GRB2: variants seen among roughly 807,000 people sequenced by gnomAD.
GRB2 encodes the protein growth factor receptor-bound protein 2.
In GRB2, 2 loss-of-function variants were observed where a neutral mutation model predicts 27.4. The ratio of observed to expected loss-of-function variants is 0.07; its 90% CI spans 0.03 to 0.23. The LOEUF is 0.23. Ranked by LOEUF, GRB2 falls within the 10% of genes least tolerant of loss-of-function variation. The pLI, the probability that GRB2 is intolerant of heterozygous loss-of-function variation, is 1.00. For synonymous variants in GRB2, 94 were observed against 99.6 expected, an observed-to-expected ratio of 0.94 and a Z score of 0.33; for missense variants, 102 against 282.4, an observed-to-expected ratio of 0.36 and a Z score of 4.58.
intron 2 of GRB2, among the ~76,000 whole-genome samples, chr17:75,339,758 C>T (rs1406919597): frequency 6.6e-6 from 1 of 151,976 alleles, no homozygotes; most frequent in African/African-American, 2.4e-5. Flanking sequence ...TCCCAAGTAG[C>T]TGGGATTACA....
intron 2 of GRB2, chr17:75,339,144 C>T: frequency 8.6e-7 from 1 of 1,167,446 alleles, no homozygotes; most frequent in Non-Finnish European, 1.3e-6. Context: ...TGATCCAGTT[C>T]TAAGTGTCAT....
chr17:75,356,298 C>A (rs766144050), intron 2 of GRB2, among the ~76,000 whole-genome samples: 10 of 152,132 alleles, frequency 6.6e-5, no homozygotes, highest in Middle Eastern at 6.8e-3. Flanking sequence ...AAGAGGTTCG[C>A]TGGAGCCCAG....
At chr17:75,358,708 A>G (rs1226174398) in intron 2 of GRB2, among the ~76,000 whole-genome samples, 1 of 145,298 alleles carries the variant, frequency 6.9e-6, no homozygotes, top group African/African-American at 2.5e-5. Flanking sequence ...ACTAAAAAAA[A>G]AAAAAAAAAA....
chr17:75,395,886 A>G (rs549611750), intron 1 of GRB2, among the ~76,000 whole-genome samples: 4 of 151,286 alleles, frequency 2.6e-5, no homozygotes, highest in Admixed American at 6.6e-5. Flanking sequence ...AAGATTGCCC[A>G]GGCTAGAGTG....
intron 2 of GRB2, among the ~76,000 whole-genome samples, chr17:75,354,792 G>A (rs914473874): frequency 4.6e-5 from 7 of 152,178 alleles, no homozygotes; most frequent in Admixed American, 4.6e-4. Flanking sequence ...TTTTAAAAAG[G>A]AAAAACTTAA....
intron 2 of GRB2, among the ~76,000 whole-genome samples, chr17:75,389,681 CT>C (rs1483026853): frequency 6.6e-6 from 1 of 151,920 alleles, no homozygotes; most frequent in Non-Finnish European, 1.5e-5. Context: ...CCCGTCTCTA[CT>C]AAAAATACAA....
intron 1 of GRB2, among the ~76,000 whole-genome samples, chr17:75,400,514 G>A (rs1046977177): frequency 5.9e-5 from 9 of 151,570 alleles, no homozygotes; most frequent in African/African-American, 2.2e-4. Context: ...TCGCTCTGTT[G>A]CCCAGGCTGG....
At chr17:75,345,735 CAG>C (rs1353609829) in intron 2 of GRB2, among the ~76,000 whole-genome samples, 1 of 151,868 alleles carries the variant, frequency 6.6e-6, no homozygotes, top group Non-Finnish European at 1.5e-5. Context: ...GAGGCGAATG[CAG>C]AGAGTTCAAC....
intron 2 of GRB2, among the ~76,000 whole-genome samples, chr17:75,359,685 C>A (rs2078766478): frequency 6.6e-6 from 1 of 152,024 alleles, no homozygotes; most frequent in Admixed American, 6.6e-5. Flanking sequence ...CTAAAGCTAC[C>A]TGCGGTTTCC....
intron 2 of GRB2, among the ~76,000 whole-genome samples, chr17:75,386,099 GTTTA>G (rs2078962150): frequency 6.6e-6 from 1 of 151,676 alleles, no homozygotes. Context: ...TAAAAAACTT[GTTTA>G]TGAGTTTCTT....
At chr17:75,340,959 A>G (rs536467708) in intron 2 of GRB2, among the ~76,000 whole-genome samples, 2 of 152,318 alleles carry the variant, frequency 1.3e-5, no homozygotes, top group South Asian at 4.1e-4. Flanking sequence ...AGGAACACAG[A>G]GAGAACAGTT....
intron 3 of GRB2, among the ~76,000 whole-genome samples, chr17:75,327,455 T>G (rs888835756): frequency 1.3e-5 from 2 of 150,722 alleles, no homozygotes; most frequent in Non-Finnish European, 3.0e-5. Flanking sequence ...ACTGCAACCT[T>G]CGCCTCCTGG....
chr17:75,341,981 A>G (rs1014745531), intron 2 of GRB2, among the ~76,000 whole-genome samples: 17 of 152,098 alleles, frequency 1.1e-4, no homozygotes, highest in Admixed American at 9.2e-4. Context: ...TGCTTCTCCA[A>G]ATGAGCCCTG....
chr17:75,338,775 CAGA>C (rs1040243433), intron 2 of GRB2: 18 of 648,832 alleles, frequency 2.8e-5, no homozygotes, highest in Admixed American at 2.7e-4. Context: ...GAGCTTTACA[CAGA>C]AGAATTAAAA....
At chr17:75,363,328 T>G (rs1011171945) in intron 2 of GRB2, among the ~76,000 whole-genome samples, 2 of 152,180 alleles carry the variant, frequency 1.3e-5, no homozygotes, top group African/African-American at 4.8e-5. Flanking sequence ...GAGGATAGGC[T>G]ACTTTTACTT....
At chr17:75,349,647 G>A (rs2145839001) in intron 2 of GRB2, among the ~76,000 whole-genome samples, 1 of 151,360 alleles carries the variant, frequency 6.6e-6, no homozygotes, top group Admixed American at 6.6e-5. Flanking sequence ...AGCCTCCCAA[G>A]TAGCTAGGAT....
chr17:75,347,355 C>T (rs1770116638), intron 2 of GRB2, among the ~76,000 whole-genome samples: 1 of 152,202 alleles, frequency 6.6e-6, no homozygotes, highest in South Asian at 2.1e-4. Flanking sequence ...TTGATCCCCA[C>T]TCTTCACCTA....
intron 1 of GRB2, chr17:75,405,075 C>G (rs1259210886): frequency 6.6e-6 from 1 of 152,192 alleles, no homozygotes; most frequent in African/African-American, 2.4e-5. Flanking sequence ...GAGATGGTGA[C>G]GTGGTTGCCG....
rs2145815683 is a variant in GRB2, at chr17:75,320,019, T to C, written c.*349A>G. 5.5e-6 allele frequency: 1 copy of C among 182,568 alleles called. No individual in the cohort carries two copies. Among genetic ancestry groups the C allele is most frequent in the South Asian group, 1.3e-4 (1 of 7,700 alleles). 11.3% of individuals were successfully genotyped at this position (182,568 alleles called of 1,614,324 possible). Reference sequence around the variant, plus strand: ...AGAGAATACCAGCCCACTTGGTTTCTTGTTTTTTATTATTGGCGTCAGCTA... The same window carrying C: ...AGAGAATACCAGCCCACTTGGTTTCCTGTTTTTTATTATTGGCGTCAGCTA... On this transcript the variant is annotated 3_prime_UTR_variant, in exon 6 of 6. Transcript: ENST00000316804. The surrounding 1 kb of genome is among the most constrained non-coding windows in gnomAD (Gnocchi z 4.3).
Sources: gnomAD v4.1 joint callset for allele counts (sites outside exome capture counted in the v4.1 genomes callset) on GRCh38, gnomAD v4.1.1 for gene constraint, Gnocchi (gnomAD v3.1) non-coding constraint, MANE v1.5 for transcripts, NCBI Gene and HGNC (gene_info 2026-07-23, HGNC 2026-07-21) for gene names.